The following MAPKAP1 variants were observed in gnomAD, a reference collection of about 807,000 sequenced individuals.
MAPKAP1 encodes the protein MAPK associated protein 1.
A neutral mutation model predicts 65.7 loss-of-function variants in MAPKAP1; 20 were observed. The observed-to-expected ratio is 0.30, with a 90% CI of 0.21 to 0.44. The LOEUF is 0.44. Among genes scored for constraint, MAPKAP1 ranks in the 20% least tolerant of loss-of-function variants. The pLI, the probability that MAPKAP1 is intolerant of heterozygous loss-of-function variation, is 1.00. For missense variants in MAPKAP1, 423 were observed against 648.0 expected, an observed-to-expected ratio of 0.65 and a Z score of 3.77; for synonymous variants, 222 against 244.3, an observed-to-expected ratio of 0.91 and a Z score of 0.85.
Position 125,530,870 on chromosome 9 carries a change from C to A in MAPKAP1, c.958+12189G>T, listed in dbSNP as rs568324711. 5.3e-5 allele frequency among the ~76,000 whole-genome samples: 8 copies of A among 152,350 alleles called. No individual in the cohort carries two copies. The East Asian group carries it at 1.5e-3, about 29-fold the overall frequency. ...GAGAAAGCCAGGTTTTATGGCGTGC[C>A]TGGCATGATAGTGGCAATAGGGATG... On this transcript the variant is annotated intron_variant, in intron 7 of 11. Coordinates refer to ENST00000265960, the MANE Select transcript of MAPKAP1 (RefSeq NM_001006617.3).
intron 4 of MAPKAP1, among the ~76,000 whole-genome samples, chr9:125,646,198 G>A (rs1833721383): frequency 6.6e-6 from 1 of 152,070 alleles, no homozygotes. Flanking sequence ...AGAGATCTTA[G>A]TATTATAAAT....
At chr9:125,480,159 G>C (rs774808370) in intron 9 of MAPKAP1, among the ~76,000 whole-genome samples, 25 of 152,180 alleles carry the variant, frequency 1.6e-4, no homozygotes, top group African/African-American at 2.4e-4. Flanking sequence ...AGGAGGGAGA[G>C]AGGGTCTTCA....
At chr9:125,695,909 G>C (rs530576331) in intron 1 of MAPKAP1, among the ~76,000 whole-genome samples, 30 of 152,144 alleles carry the variant, frequency 2.0e-4, no homozygotes, top group African/African-American at 7.0e-4. Context: ...TGTATTTTTA[G>C]TAGAGACGGG....
At position 125,630,372 on chromosome 9, in the gene MAPKAP1, T is replaced by A. The variant is rs557898982; in HGVS notation, c.498+27279A>T. On this transcript the variant is annotated intron_variant, in intron 4 of 11. Coordinates refer to ENST00000265960, the MANE Select transcript of MAPKAP1 (RefSeq NM_001006617.3). ...GTCTTGAAATCCTGGGCTCAAGTGA[T>A]TCCCCAGTCTCAGCCGCCCAAACTT... Among the ~76,000 whole-genome samples the A allele has an allele frequency of 1.1e-3, 161 of 152,118 alleles. 1 individual carries two copies. Among genetic ancestry groups the A allele is most frequent in the African/African-American group, 3.6e-3 (150 of 41,486 alleles).
At chr9:125,519,923 T>A (rs1340674965) in intron 7 of MAPKAP1, among the ~76,000 whole-genome samples, 1 of 152,076 alleles carries the variant, frequency 6.6e-6, no homozygotes, top group Non-Finnish European at 1.5e-5. Flanking sequence ...CCCTACAGCC[T>A]GTGGGTAGAG....
intron 7 of MAPKAP1, among the ~76,000 whole-genome samples, chr9:125,533,714 G>A (rs2133146078): frequency 6.6e-6 from 1 of 152,324 alleles, no homozygotes; most frequent in East Asian, 1.9e-4. Flanking sequence ...CTCTCAAAGT[G>A]CTGGGATTAC....
rs1011852021 is a variant in MAPKAP1, at chr9:125,533,279, T to C, written c.958+9780A>G. 6.6e-5 allele frequency among the ~76,000 whole-genome samples: 10 copies of C among 152,340 alleles called. No individual in the cohort carries two copies. The South Asian group carries it at 1.0e-3, about 16-fold the overall frequency. On this transcript the variant is annotated intron_variant, in intron 7 of 11. Transcript: ENST00000265960. ...AAAGATAAAATGGCTAATAAATACA[T>C]TTAAAAATACTAAACGACACTAAAG...
intron 8 of MAPKAP1, among the ~76,000 whole-genome samples, chr9:125,492,537 T>C (rs1270116792): frequency 2.6e-5 from 4 of 152,208 alleles, no homozygotes; most frequent in Non-Finnish European, 5.9e-5. Flanking sequence ...TGTGATTTAA[T>C]TGGAACTGAG....
intron 4 of MAPKAP1, among the ~76,000 whole-genome samples, chr9:125,610,925 G>A (rs1832583608): frequency 6.6e-6 from 1 of 152,110 alleles, no homozygotes; most frequent in African/African-American, 2.4e-5. Flanking sequence ...AAACATAGAA[G>A]GCATCATGAA....
intron 11 of MAPKAP1, among the ~76,000 whole-genome samples, chr9:125,441,726 G>C (rs1250310169): frequency 6.6e-6 from 1 of 152,154 alleles, no homozygotes; most frequent in African/African-American, 2.4e-5. Context: ...CAAGCTCCCG[G>C]ACACAGGGCT....
At chr9:125,609,967 T>C (rs1025043896) in intron 4 of MAPKAP1, among the ~76,000 whole-genome samples, 1 of 152,162 alleles carries the variant, frequency 6.6e-6, no homozygotes, top group Non-Finnish European at 1.5e-5. Context: ...GTGAAAGAAA[T>C]TGTTAAAGGT....
intron 4 of MAPKAP1, among the ~76,000 whole-genome samples, 156 bp downstream of exon 4, chr9:125,657,495 T>A (rs1834065070): frequency 6.6e-6 from 1 of 152,172 alleles, no homozygotes; most frequent in Admixed American, 6.5e-5. Context: ...AATTCATACC[T>A]TTACATCAAG....
chr9:125,509,330 A>T (rs1358078182), intron 7 of MAPKAP1, among the ~76,000 whole-genome samples: 1 of 152,228 alleles, frequency 6.6e-6, no homozygotes, highest in East Asian at 1.9e-4. Flanking sequence ...CTAGGAGGTT[A>T]TTCCTAAAAT....
intron 4 of MAPKAP1, among the ~76,000 whole-genome samples, chr9:125,593,793 T>C (rs1291893141): frequency 6.6e-6 from 1 of 152,160 alleles, no homozygotes; most frequent in African/African-American, 2.4e-5. Flanking sequence ...GAAAAGTACT[T>C]CCTATAGCAA....
rs144290254 is a variant in MAPKAP1, at chr9:125,672,531, C to T, written c.44G>A (p.Arg15Gln). The change falls in exon 2 of 12, where the codon CGA (arginine) becomes CAA (glutamine). Residue 15 changes from arginine to glutamine, a missense_variant. Physicochemically the swap from Arg to Gln is conservative, Grantham distance 43. This residue lies in a region of MAPKAP1 where 14 missense variants were observed against 35.3 expected (regional missense o/e 0.40). Coordinates refer to ENST00000265960, the MANE Select transcript of MAPKAP1 (RefSeq NM_001006617.3). ...GTCATCACTGGTCACATGTGACTGT[C>T]GAATATGAGCTAGAATGATAGTTGG... ...DNPTIILAHIRQSHVTSDDTG... is the reference protein window; with the variant it reads ...DNPTIILAHIQQSHVTSDDTG... 6.9e-5 allele frequency: 112 copies of T among 1,614,106 alleles called. No individual in the cohort carries two copies. In the African/African-American group the frequency reaches 1.4e-3, roughly 20 times the overall value.
chr9:125,687,296 G>A (rs1277972528), intron 1 of MAPKAP1, among the ~76,000 whole-genome samples: 2 of 152,128 alleles, frequency 1.3e-5, no homozygotes, highest in Admixed American at 6.6e-5. Flanking sequence ...GCCACATCTA[G>A]AGTTCCACGT....
chr9:125,525,763 G>C (rs1829747266), intron 7 of MAPKAP1, among the ~76,000 whole-genome samples: 1 of 151,434 alleles, frequency 6.6e-6, no homozygotes, highest in African/African-American at 2.4e-5. Context: ...AGGTCTTCTA[G>C]AACCCAGGTC....
At chr9:125,561,294 A>C (rs967628036) in intron 5 of MAPKAP1, among the ~76,000 whole-genome samples, 2 of 152,192 alleles carry the variant, frequency 1.3e-5, no homozygotes, top group South Asian at 2.1e-4. Context: ...TGCTTATTGC[A>C]AGAGAGGGAG....
At chr9:125,527,505 G>A (rs542276208) in intron 7 of MAPKAP1, among the ~76,000 whole-genome samples, 13 of 152,170 alleles carry the variant, frequency 8.5e-5, no homozygotes, top group Non-Finnish European at 1.5e-4. Flanking sequence ...GGCACTCACC[G>A]TCCTACTTTT....
Sources: gnomAD v4.1 joint callset for allele counts (sites outside exome capture counted in the v4.1 genomes callset) on GRCh38, gnomAD v4.1.1 for gene constraint, gnomAD v4.1.1 regional missense constraint, MANE v1.5 for transcripts, NCBI Gene and HGNC (gene_info 2026-07-23, HGNC 2026-07-21) for gene names.